FGD5: variants seen among roughly 807,000 people sequenced by gnomAD.
FGD5 encodes the protein FYVE, RhoGEF and PH domain-containing protein 5.
Under a neutral mutation model 133.4 loss-of-function variants are expected in FGD5, and 28 were observed. The ratio of observed to expected loss-of-function variants is 0.21; its 90% CI spans 0.16 to 0.29. The LOEUF is 0.29. Among genes scored for constraint, FGD5 ranks in the 10% least tolerant of loss-of-function variants. FGD5 has a pLI of 1.00. For synonymous variants in FGD5, 810 were observed against 776.5 expected (o/e 1.04, Z -0.72); for missense variants, 1,858 against 1,895.2 (o/e 0.98, Z 0.36).
At chr3:14,919,050 A>C (rs112628089) in intron 13 of FGD5, among the ~76,000 whole-genome samples, 20 of 152,294 alleles carry the variant, frequency 1.3e-4, no homozygotes, top group African/African-American at 4.1e-4. Context: ...ACACTCATAA[A>C]ATTTTATATA....
chr3:14,931,308 T>C (rs1227606286), intron 18 of FGD5: 1 of 152,230 alleles, frequency 6.6e-6, no homozygotes, highest in East Asian at 1.9e-4. Context: ...TTTTCTGATC[T>C]AGCAATCCTT....
chr3:14,917,541 C>G lies in FGD5; in HGVS notation c.3489+209C>G, dbSNP rs1394685653. On this transcript the variant is annotated intron_variant, in intron 12 of 19. Coordinates refer to ENST00000285046, the MANE Select transcript of FGD5 (RefSeq NM_152536.4). The surrounding 1 kb of genome is among the most constrained non-coding windows in gnomAD (Gnocchi z 4.1). ...GCTTCTTGGAAGAGGAGACTGAACCCTTAGAGTGGATAATATTTGGTCGGA... is the reference window on the plus strand; with the variant it reads ...GCTTCTTGGAAGAGGAGACTGAACCGTTAGAGTGGATAATATTTGGTCGGA... 1.3e-5 allele frequency among the ~76,000 whole-genome samples: 2 copies of G among 151,814 alleles called. No homozygotes were observed. The highest frequency in any genetic ancestry group is 6.6e-5 in the Admixed American group (1 of 15,232).
At chr3:14,852,609 A>G (rs936192025) in intron 1 of FGD5, among the ~76,000 whole-genome samples, 19 of 152,232 alleles carry the variant, frequency 1.2e-4, no homozygotes, top group Admixed American at 8.5e-4. Flanking sequence ...TATTATAAAA[A>G]GAAAGCAAAC....
chr3:14,921,133 T>TTAGC (rs1228799062), intron 13 of FGD5, among the ~76,000 whole-genome samples: 3 of 152,238 alleles, frequency 2.0e-5, no homozygotes, highest in African/African-American at 7.2e-5. Context: ...ACCTTCCTGC[T>TTAGC]AGTCCAGACC....
chr3:14,912,840 G>C (rs1158543239), intron 11 of FGD5, among the ~76,000 whole-genome samples: 1 of 152,110 alleles, frequency 6.6e-6, no homozygotes, highest in African/African-American at 2.4e-5. Flanking sequence ...TTCAAGACCA[G>C]CCTGGTGAAC....
chr3:14,839,463 C>T (rs148153957), intron 1 of FGD5, among the ~76,000 whole-genome samples: 1 of 152,272 alleles, frequency 6.6e-6, no homozygotes, highest in East Asian at 1.9e-4. Context: ...TGACTCTCAC[C>T]TCCCCAAGAT....
At chr3:14,872,619 C>T (rs1018520482) in intron 2 of FGD5, among the ~76,000 whole-genome samples, 4 of 152,222 alleles carry the variant, frequency 2.6e-5, no homozygotes, top group African/African-American at 7.2e-5. Flanking sequence ...GATAAGCAAG[C>T]GTGCATGTTG....
chr3:14,841,582 T>A (rs1264481894), intron 1 of FGD5, among the ~76,000 whole-genome samples: 1 of 145,298 alleles, frequency 6.9e-6, no homozygotes, highest in Non-Finnish European at 1.5e-5. Context: ...TTTTTAAGGA[T>A]AAGATTTCAG....
rs2038592848 is a variant in FGD5, at chr3:14,917,930, C to G, written c.3489+598C>G. 6.6e-6 allele frequency among the ~76,000 whole-genome samples: 1 copy of G among 152,188 alleles called. No homozygotes were observed. Among genetic ancestry groups the G allele is most frequent in the Non-Finnish European group, 1.5e-5 (1 of 68,034 alleles). Reference sequence around the variant, plus strand: ...GAATGAGGAGTCACACAGTATTGATCCTTGTTTCACTTAGCACAGTGTCCT... The same window carrying G: ...GAATGAGGAGTCACACAGTATTGATGCTTGTTTCACTTAGCACAGTGTCCT... On this transcript the variant is annotated intron_variant, in intron 12 of 19. Transcript: ENST00000285046. This position sits in a 1 kb window ranked among gnomAD's most constrained non-coding sequence, Gnocchi z 4.1.
intron 1 of FGD5, among the ~76,000 whole-genome samples, chr3:14,850,012 C>G (rs370181898): frequency 1.3e-5 from 2 of 152,202 alleles, no homozygotes; most frequent in East Asian, 3.8e-4. Context: ...CTCCTGGCAA[C>G]TTCAGATGTG....
intron 1 of FGD5, among the ~76,000 whole-genome samples, chr3:14,854,003 G>T (rs2037221412): frequency 6.7e-6 from 1 of 148,888 alleles, no homozygotes; most frequent in Admixed American, 6.8e-5. Context: ...TGGCCCTTCT[G>T]CAGGCTCTTC....
At chr3:14,884,329 G>A (rs1429740261) in intron 4 of FGD5, among the ~76,000 whole-genome samples, 3 of 152,130 alleles carry the variant, frequency 2.0e-5, no homozygotes, top group Admixed American at 6.5e-5. Context: ...TCTGGAAGTT[G>A]TCACCATCCT....
chr3:14,831,748 G>A (rs1427430898), intron 1 of FGD5, among the ~76,000 whole-genome samples: 1 of 152,188 alleles, frequency 6.6e-6, no homozygotes, highest in African/African-American at 2.4e-5. Context: ...GCAAAGGGTG[G>A]GAGGTGCCAA....
intron 17 of FGD5, among the ~76,000 whole-genome samples, chr3:14,925,121 A>C (rs1004475370): frequency 1.3e-5 from 2 of 151,012 alleles, no homozygotes; most frequent in Non-Finnish European, 3.0e-5. Flanking sequence ...AAAAAAAAAA[A>C]AAAAAAACAC....
chr3:14,905,625 G>T (rs1230129404), intron 9 of FGD5, among the ~76,000 whole-genome samples: 1 of 151,922 alleles, frequency 6.6e-6, no homozygotes, highest in Non-Finnish European at 1.5e-5. Context: ...TCCATTGGAC[G>T]CTCACGTATG....
intron 2 of FGD5, among the ~76,000 whole-genome samples, chr3:14,870,061 C>T (rs13064931): frequency 0.67 from 102,207 of 152,126 alleles, 34,530 homozygotes; most frequent in African/African-American, 0.73. Flanking sequence ...CTGCCAATAG[C>T]GCAGAAGGGT....
Position 14,922,168 on chromosome 3 carries a change from T to C in FGD5, c.3669+151T>C, listed in dbSNP as rs1575260996. On this transcript the variant is annotated intron_variant, in intron 14 of 19. Coordinates refer to ENST00000285046, the MANE Select transcript of FGD5 (RefSeq NM_152536.4). The surrounding 1 kb of genome is among the most constrained non-coding windows in gnomAD (Gnocchi z 4.1). The stretch of plus-strand genomic sequence containing the variant: ...CCACACCCCTGCCATGCTCCCACCC[T>C]AGTCAGGGGCGGCCTCCGTGTAACC... The C allele has an allele frequency of 6.3e-5, 62 of 988,600 alleles. No individual in the cohort carries two copies. The East Asian group carries it at 1.6e-3, about 26-fold the overall frequency. The allele number at this position is 988,600 out of a possible 1,614,324, so 61.2% of individuals were successfully genotyped here.
chr3:14,819,733 G>A lies in FGD5; in HGVS notation c.662G>A (p.Cys221Tyr). ...GEAEEDDEEG[C>Y]ASTDPAGADE... ...GCAGAGGAGGATGATGAGGAAGGCT[G>A]TGCCAGCACAGACCCAGCAGGGGCA... Residue 221 changes from cysteine (C) to tyrosine (Y), a missense_variant, in exon 1 of 20, where the codon TGT (cysteine) becomes TAT (tyrosine). Coordinates refer to ENST00000285046, the MANE Select transcript of FGD5 (RefSeq NM_152536.4). This position sits in a 1 kb window ranked among gnomAD's most constrained non-coding sequence, Gnocchi z 4.1. 2 of 1,536,056 alleles carry A rather than the reference G, an allele frequency of 1.3e-6. No homozygotes were observed. Among genetic ancestry groups the A allele is most frequent in the Non-Finnish European group, 1.8e-6 (2 of 1,139,552 alleles).
intron 4 of FGD5, among the ~76,000 whole-genome samples, chr3:14,885,459 A>T (rs1025755341): frequency 6.6e-6 from 1 of 152,142 alleles, no homozygotes; most frequent in Non-Finnish European, 1.5e-5. Context: ...TCCTGCATTC[A>T]TGATAAACAG....
Sources: allele counts gnomAD v4.1 joint callset (sites outside exome capture counted in the v4.1 genomes callset), GRCh38; gene constraint gnomAD v4.1.1; non-coding constraint Gnocchi (gnomAD v3.1); transcripts MANE v1.5; gene names NCBI Gene and HGNC (gene_info 2026-07-23, HGNC 2026-07-21).